Variants in ASTN2 observed in about 807,000 individuals in gnomAD.
ASTN2 encodes the protein astrotactin 2.
In ASTN2, 54 loss-of-function variants were observed where a neutral mutation model predicts 139.8. The observed-to-expected ratio is 0.39, with a 90% confidence interval of 0.31 to 0.48. ASTN2 has a LOEUF of 0.48. ASTN2 is among the 20% of genes least tolerant of loss of function. The pLI is 0.95. For synonymous variants in ASTN2, 756 were observed against 719.5 expected, an observed-to-expected ratio of 1.05 and a Z score of -0.81; for missense variants, 1,565 against 1,725.1, an observed-to-expected ratio of 0.91 and a Z score of 1.64.
chr9:116,790,979 GAAAGAAA>G (rs1830525280), intron 13 of ASTN2, among the ~76,000 whole-genome samples: 1 of 58,214 alleles, frequency 1.7e-5, no homozygotes, highest in African/African-American at 6.4e-5. Flanking sequence ...AAGAAAGAAA[GAAAGAAA>G]GAAAGAAAGA....
intron 1 of ASTN2, among the ~76,000 whole-genome samples, chr9:117,381,661 C>T (rs1564176056): frequency 2.0e-5 from 3 of 152,264 alleles, no homozygotes; most frequent in Admixed American, 2.0e-4. Flanking sequence ...GCTTCCTGTA[C>T]AGCCTGCAGA....
rs1369000183 is a variant in ASTN2 at position 117,250,200 on chromosome 9, T to G, written c.631-35458A>C. On this transcript the variant is annotated intron_variant, in intron 2 of 22. Coordinates refer to ENST00000313400, the MANE Select transcript of ASTN2 (RefSeq NM_001365068.1). ...ACATAGGAACTGGCAGAACCAGCAA[T>G]GAATGTGCTAGGCATCAGAAGACTG... 3.3e-5 allele frequency among the ~76,000 whole-genome samples: 5 copies of G among 152,268 alleles called. No homozygotes were observed. In the East Asian group the frequency reaches 9.6e-4, roughly 29 times the overall value.
At chr9:116,554,193 C>G (rs554338243) in intron 19 of ASTN2, among the ~76,000 whole-genome samples, 1 of 152,206 alleles carries the variant, frequency 6.6e-6, no homozygotes, top group African/African-American at 2.4e-5. Context: ...TATTATCTCT[C>G]GTAATGATAC....
chr9:116,472,246 G>A (rs1848835741), intron 20 of ASTN2, among the ~76,000 whole-genome samples: 1 of 151,994 alleles, frequency 6.6e-6, no homozygotes, highest in South Asian at 2.1e-4. Flanking sequence ...CCCATATGTG[G>A]TCCCTTCAAT....
chr9:116,704,149 C>T (rs1827928271), intron 16 of ASTN2, among the ~76,000 whole-genome samples: 1 of 152,152 alleles, frequency 6.6e-6, no homozygotes. Flanking sequence ...CTCAGGTGAT[C>T]ACCATACCTC....
At chr9:116,452,237 A>C (rs1848197309) in intron 20 of ASTN2, among the ~76,000 whole-genome samples, 1 of 152,188 alleles carries the variant, frequency 6.6e-6, no homozygotes, top group Non-Finnish European at 1.5e-5. Flanking sequence ...TCTTTATTAT[A>C]TATTGGACAG....
In ASTN2 at chr9:116,550,682, C is replaced by T. The variant is rs578233363; in HGVS notation, c.3356-63182G>A. The stretch of plus-strand genomic sequence containing the variant: ...ATGAAGGCTGGCAGATCTACAGCAA[C>T]TTTAACACTCAAAAACTCATTCCCT... On this transcript the variant is annotated intron_variant, in intron 19 of 22. Transcript: ENST00000313400. Among the ~76,000 whole-genome samples, 31 of 152,308 alleles carry T rather than the reference C, an allele frequency of 2.0e-4. 1 individual carries two copies. Among genetic ancestry groups the T allele is most frequent in the Admixed American group, 9.2e-4 (14 of 15,300 alleles).
At chr9:117,297,652 G>C (rs1057321233) in intron 1 of ASTN2, among the ~76,000 whole-genome samples, 1 of 152,202 alleles carries the variant, frequency 6.6e-6, no homozygotes, top group African/African-American at 2.4e-5. Flanking sequence ...GCAAGGAATT[G>C]TTACCACCCT....
chr9:117,298,668 G>GTGTA (rs1564133103), intron 1 of ASTN2, among the ~76,000 whole-genome samples: 1 of 34,502 alleles, frequency 2.9e-5, no homozygotes, highest in African/African-American at 7.4e-5. Context: ...ATATATATAT[G>GTGTA]TGTATATATA....
At chr9:116,832,931 TTTG>T (rs1487888128) in intron 11 of ASTN2, among the ~76,000 whole-genome samples, 1 of 151,544 alleles carries the variant, frequency 6.6e-6, no homozygotes, top group African/African-American at 2.4e-5. Flanking sequence ...GAAGATTTTT[TTTG>T]TTTTGTTTTA....
intron 16 of ASTN2, among the ~76,000 whole-genome samples, chr9:116,720,626 C>G (rs1434445052): frequency 1.3e-5 from 2 of 150,414 alleles, no homozygotes; most frequent in Non-Finnish European, 2.9e-5. Flanking sequence ...GTCCCTCCCT[C>G]TCTCTCACAC....
At chr9:116,565,374 TCTCTCTCTCTCTCC>T (rs1317941615) in intron 19 of ASTN2, among the ~76,000 whole-genome samples, 7 of 29,516 alleles carry the variant, frequency 2.4e-4, no homozygotes, top group South Asian at 4.1e-3. Context: ...TCTCTCTCTC[TCTCTCTCTCTCTCC>T]ATATATATAT....
At chr9:117,408,399 A>T (rs1831066258) in intron 1 of ASTN2, among the ~76,000 whole-genome samples, 1 of 152,122 alleles carries the variant, frequency 6.6e-6, no homozygotes. Context: ...TGAGTCTGTG[A>T]TGCTGGGAGC....
intron 19 of ASTN2, among the ~76,000 whole-genome samples, chr9:116,515,033 G>A (rs1376689871): frequency 6.6e-6 from 1 of 152,128 alleles, no homozygotes; most frequent in Non-Finnish European, 1.5e-5. Flanking sequence ...GCCCCAGTGA[G>A]ATGAACCCAA....
intron 3 of ASTN2, among the ~76,000 whole-genome samples, chr9:117,174,695 C>T (rs928272763): frequency 1.6e-4 from 25 of 151,948 alleles, no homozygotes; most frequent in Non-Finnish European, 1.5e-5. Flanking sequence ...AAAGAGAAGA[C>T]ATCACCTCAC....
Position 116,699,609 on chromosome 9 carries a change from GC to G in ASTN2, c.2806+26161del, listed in dbSNP as rs1861073280. The G allele has an allele frequency of 6.2e-7, 1 of 1,614,100 alleles. No homozygotes were observed. On this transcript the variant is annotated intron_variant, in intron 16 of 22. Transcript: ENST00000313400. The surrounding 1 kb of genome is among the most constrained non-coding windows in gnomAD (Gnocchi z 4.2). ...GGGACTTACCTGTCCGGTGGGCATA[GC>G]CCTAACTCCTAAGGGGCAGCTGCTG...
intron 19 of ASTN2, among the ~76,000 whole-genome samples, chr9:116,565,379 CTCTCTCTCCATATATATATATATA>C (rs1166051038): frequency 5.5e-4 from 19 of 34,396 alleles, no homozygotes; most frequent in Admixed American, 1.9e-3. Flanking sequence ...CTCTCTCTCT[CTCTCTCTCCATATATATATATATA>C]TATATATATA....
chr9:116,687,219 C>G, intron 16 of ASTN2: 1 of 1,006,952 alleles, frequency 9.9e-7, no homozygotes. Context: ...CGCTTGGGGC[C>G]AGCTGCACGA....
rs113979367 is a variant in ASTN2 at position 116,782,690 on chromosome 9, G to T, written c.2396+22942C>A. Among the ~76,000 whole-genome samples, 37 of 152,294 alleles carry T rather than the reference G, an allele frequency of 2.4e-4. No homozygotes were observed. In the South Asian group the frequency reaches 3.7e-3, roughly 15 times the overall value. ...GTCTTTATATTTGGAATGAAGATCCGTGATGGCTAACCCAACCAAAATTCA... is the reference window on the plus strand; with the variant it reads ...GTCTTTATATTTGGAATGAAGATCCTTGATGGCTAACCCAACCAAAATTCA... On this transcript the variant is annotated intron_variant, in intron 13 of 22. Transcript: ENST00000313400.
Sources: gnomAD v4.1 joint callset for allele counts (sites outside exome capture counted in the v4.1 genomes callset) on GRCh38, gnomAD v4.1.1 for gene constraint, Gnocchi (gnomAD v3.1) non-coding constraint, MANE v1.5 for transcripts, NCBI Gene and HGNC (gene_info 2026-07-23, HGNC 2026-07-21) for gene names.